The following ABHD18 variants were observed in gnomAD, a reference collection of about 807,000 sequenced individuals.
ABHD18 encodes the protein cardiolipin-specific deacylase, mitochondrial.
A neutral mutation model predicts 65.9 loss-of-function variants in ABHD18; 55 were observed. That is an observed-to-expected ratio of 0.84 (90% confidence interval 0.67 to 1.05). ABHD18 has a LOEUF of 1.05. Ranked by LOEUF, ABHD18 falls within the 50% of genes least tolerant of loss-of-function variation. ABHD18 has a pLI of 0.00. For missense variants in ABHD18, 533 were observed against 558.5 expected (o/e 0.95, Z 0.46); for synonymous variants, 181 against 180.2 (o/e 1.00, Z -0.04).
At chr4:127,977,817 C>T (rs1437963047) in intron 1 of ABHD18, among the ~76,000 whole-genome samples, 1 of 151,492 alleles carries the variant, frequency 6.6e-6, no homozygotes, top group Non-Finnish European at 1.5e-5. Context: ...GTAGAAAACA[C>T]AAAGAAAAGG....
intron 11 of ABHD18, among the ~76,000 whole-genome samples, chr4:128,029,771 G>A (rs958085632): frequency 6.6e-6 from 1 of 152,158 alleles, no homozygotes; most frequent in Non-Finnish European, 1.5e-5. Context: ...GTTGCAGTGA[G>A]CAGAGATCAT....
chr4:128,028,426 A>G (rs1757693050), intron 10 of ABHD18, 49 bp from the exon 11 acceptor site: 2 of 1,342,550 alleles, frequency 1.5e-6, no homozygotes, highest in South Asian at 1.9e-5. Context: ...AAAGCTGTTA[A>G]TACCCTATTT....
intron 3 of ABHD18, among the ~76,000 whole-genome samples, chr4:127,984,687 T>C (rs1035160462): frequency 6.6e-6 from 1 of 151,628 alleles, no homozygotes; most frequent in Non-Finnish European, 1.5e-5. Flanking sequence ...AGAAACCCCG[T>C]CTCTGCTTAA....
chr4:127,971,689 T>C (rs942878875), intron 1 of ABHD18, among the ~76,000 whole-genome samples: 1 of 151,834 alleles, frequency 6.6e-6, no homozygotes, highest in African/African-American at 2.4e-5. Flanking sequence ...ATGGGGTTTC[T>C]CCGTGTTAGC....
In ABHD18 at chr4:127,984,359, T is replaced by C; in HGVS notation, c.113T>C (p.Met38Thr). The C allele has an allele frequency of 6.5e-7, 1 of 1,550,328 alleles. No homozygotes were observed. The highest frequency in any genetic ancestry group is 1.2e-5 in the South Asian group (1 of 83,996). The change falls in exon 3 of 13, where the codon ATG (methionine) becomes ACG (threonine). Residue 38 changes from methionine to threonine, a missense_variant. Coordinates refer to ENST00000645843, the MANE Select transcript of ABHD18 (RefSeq NM_001358451.3). ...DLKRLFEFRK[M>T]IGNRERCQNL... Reference sequence around the variant, plus strand: ...AATAGACTCTTTGAATTCAGAAAGATGATTGGAAATCGGGAAAGATGCCAG... The same window carrying C: ...AATAGACTCTTTGAATTCAGAAAGACGATTGGAAATCGGGAAAGATGCCAG...
intron 4 of ABHD18, among the ~76,000 whole-genome samples, chr4:127,998,723 G>A (rs1752185500): frequency 6.6e-6 from 1 of 152,010 alleles, no homozygotes. Flanking sequence ...CTCTGCAAAT[G>A]CCATTATTAA....
intron 6 of ABHD18, among the ~76,000 whole-genome samples, chr4:128,010,406 A>G (rs1754325452): frequency 6.6e-6 from 1 of 151,770 alleles, no homozygotes; most frequent in Non-Finnish European, 1.5e-5. Flanking sequence ...GCATATGCCT[A>G]TAATCCCAAC....
At chr4:127,967,134 A>G (rs556469868) in intron 1 of ABHD18, among the ~76,000 whole-genome samples, 109 of 151,946 alleles carry the variant, frequency 7.2e-4, no homozygotes, top group Non-Finnish European at 1.3e-3. Context: ...TGGCACATAT[A>G]TAGTGGACAA....
At position 127,989,747 on chromosome 4, in the gene ABHD18, C is replaced by T. The variant is rs1220070006; in HGVS notation, c.204C>T (p.Ile68=). The T allele has an allele frequency of 6.3e-7, 1 of 1,599,110 alleles. No individual in the cohort carries two copies. The highest frequency in any genetic ancestry group is 8.5e-7 in the Non-Finnish European group (1 of 1,172,708). ...DKIEEQSDCK[I]LDGHFVSPMA... ...TTGAAGAGCAATCAGATTGTAAGATCTTAGATGGACACTTTGTTTCCCCCA... is the reference window on the plus strand; with the variant it reads ...TTGAAGAGCAATCAGATTGTAAGATTTTAGATGGACACTTTGTTTCCCCCA... Residue 68 remains isoleucine (I), a synonymous_variant, in exon 4 of 13, where the codon ATC becomes ATT. Transcript: ENST00000645843.
intron 4 of ABHD18, among the ~76,000 whole-genome samples, chr4:127,996,201 A>C (rs777388758): frequency 5.9e-5 from 9 of 152,240 alleles, no homozygotes; most frequent in Non-Finnish European, 1.3e-4. Flanking sequence ...CAGAGCCAAA[A>C]TTTAACTGTT....
intron 11 of ABHD18, among the ~76,000 whole-genome samples, chr4:128,029,189 CA>C (rs879330225): frequency 7.2e-4 from 102 of 141,308 alleles, no homozygotes; most frequent in Middle Eastern, 3.6e-3. Context: ...CTGTCTCTAC[CA>C]AAAAAAAAAA....
At chr4:127,995,654 ATATATT>A (rs1751616248) in intron 4 of ABHD18, among the ~76,000 whole-genome samples, 1 of 152,206 alleles carries the variant, frequency 6.6e-6, no homozygotes, top group Non-Finnish European at 1.5e-5. Flanking sequence ...AGTAAATTAA[ATATATT>A]TATGTGTGAT....
chr4:127,980,275 C>T (rs545618126), intron 1 of ABHD18, among the ~76,000 whole-genome samples: 1 of 152,302 alleles, frequency 6.6e-6, no homozygotes, highest in East Asian at 1.9e-4. Context: ...TATGTGATAC[C>T]TTCCACCATG....
Position 127,965,408 on chromosome 4 carries a change from A to G in ABHD18, c.-216A>G, listed in dbSNP as rs1489090887. 3 of 571,460 alleles carry G rather than the reference A, an allele frequency of 5.2e-6. No individual in the cohort carries two copies. Among genetic ancestry groups the G allele is most frequent in the Non-Finnish European group, 6.3e-6 (2 of 317,542 alleles). 35.4% of individuals were successfully genotyped at this position (571,460 alleles called of 1,614,324 possible). Reference sequence around the variant, plus strand: ...CCAGGAGAGCTCGGGGCGTGTCCAAACTGCCGCGCCGCCCTGCTCCGGGTT... The same window carrying G: ...CCAGGAGAGCTCGGGGCGTGTCCAAGCTGCCGCGCCGCCCTGCTCCGGGTT... On this transcript the variant is annotated 5_prime_UTR_variant, in exon 1 of 13. Coordinates refer to ENST00000645843, the MANE Select transcript of ABHD18 (RefSeq NM_001358451.3).
chr4:128,021,059 C>A, intron 9 of ABHD18, 78 bp from the exon 10 acceptor site: 8 of 772,980 alleles, frequency 1.0e-5, no homozygotes, highest in Non-Finnish European at 1.4e-5. Context: ...AAGGTAGTCT[C>A]ACACAGTAAT....
intron 12 of ABHD18, among the ~76,000 whole-genome samples, chr4:128,032,975 C>G (rs1306513565): frequency 1.3e-5 from 2 of 151,766 alleles, no homozygotes; most frequent in South Asian, 4.2e-4. Flanking sequence ...GTGGGTGGGC[C>G]GGGCGTGGTG....
At chr4:128,014,778 C>G (rs1430121040) in intron 7 of ABHD18, among the ~76,000 whole-genome samples, 1 of 148,762 alleles carries the variant, frequency 6.7e-6, no homozygotes, top group Non-Finnish European at 1.5e-5. Flanking sequence ...ATATACCCCC[C>G]GCCCCTAAAA....
chr4:128,017,661 A>C (rs1224691363), intron 8 of ABHD18, among the ~76,000 whole-genome samples, 160 bp downstream of exon 8: 1 of 152,228 alleles, frequency 6.6e-6, no homozygotes, highest in Non-Finnish European at 1.5e-5. Flanking sequence ...TGAAGTAATG[A>C]TGTTAATTTT....
chr4:127,965,960 G>T, intron 1 of ABHD18: 1 of 152,434 alleles, frequency 6.6e-6, no homozygotes. Flanking sequence ...GCAGGTCCCC[G>T]GATGCGCACC....
Sources: allele counts gnomAD v4.1 joint callset (sites outside exome capture counted in the v4.1 genomes callset), GRCh38; gene constraint gnomAD v4.1.1; transcripts MANE v1.5; gene names NCBI Gene and HGNC (gene_info 2026-07-23, HGNC 2026-07-21).